PCDH15: variants seen among roughly 807,000 people sequenced by gnomAD.
PCDH15 encodes the protein protocadherin related 15.
In PCDH15, 129 loss-of-function variants were observed where a neutral mutation model predicts 178.5. The observed-to-expected ratio is 0.72, with a 90% CI of 0.63 to 0.84. The LOEUF is 0.84. PCDH15 is among the 40% of genes least tolerant of loss of function. PCDH15 has a pLI of 0.00. For synonymous variants in PCDH15, 800 were observed against 732.0 expected (o/e 1.09, Z -1.50); for missense variants, 2,230 against 2,099.9 (o/e 1.06, Z -1.21).
intron 3 of PCDH15, among the ~76,000 whole-genome samples, chr10:54,492,092 G>A (rs2079648217): frequency 6.6e-6 from 1 of 152,152 alleles, no homozygotes. Flanking sequence ...TGCAATAACA[G>A]CAAAATTGTA....
At chr10:53,995,824 A>G in intron 20 of PCDH15, 59 bp from the exon 21 acceptor site, 1 of 1,422,464 alleles carries the variant, frequency 7.0e-7, no homozygotes, top group South Asian at 1.1e-5. Context: ...GGATACAGTT[A>G]CTAGATTGAC....
At chr10:54,058,687 T>C (rs1565149139) in intron 18 of PCDH15, among the ~76,000 whole-genome samples, 1 of 86,430 alleles carries the variant, frequency 1.2e-5, no homozygotes, top group East Asian at 2.9e-4. Flanking sequence ...TATTTCTTTC[T>C]TTCTTTCTTT....
intron 3 of PCDH15, among the ~76,000 whole-genome samples, chr10:54,830,505 G>A (rs1953204776): frequency 6.6e-6 from 1 of 150,938 alleles, no homozygotes; most frequent in African/African-American, 2.4e-5. Flanking sequence ...AACACCGCAT[G>A]TTCTCACTCA....
intron 3 of PCDH15, among the ~76,000 whole-genome samples, chr10:54,523,155 T>C (rs2083048019): frequency 6.6e-6 from 1 of 152,168 alleles, no homozygotes. Context: ...GATTACTGTA[T>C]GACAAAATGG....
chr10:54,140,433 T>A (rs959739520), intron 14 of PCDH15, among the ~76,000 whole-genome samples: 1 of 151,700 alleles, frequency 6.6e-6, no homozygotes, highest in Non-Finnish European at 1.5e-5. Flanking sequence ...GTTAATTGAG[T>A]AGAAGATAAA....
At chr10:54,575,044 G>C (rs572611175) in intron 2 of PCDH15, among the ~76,000 whole-genome samples, 2 of 141,744 alleles carry the variant, frequency 1.4e-5, no homozygotes, top group African/African-American at 5.3e-5. Flanking sequence ...GTAAACTATC[G>C]CAAGAACAAA....
intron 32 of PCDH15, chr10:53,822,033 T>C (rs1284867595): frequency 1.2e-6 from 2 of 1,613,940 alleles, no homozygotes; most frequent in Non-Finnish European, 8.5e-7. Flanking sequence ...ACTGTACATG[T>C]TAGCTACTGA....
At chr10:55,500,094 T>C (rs1015890993) in intron 2 of PCDH15, among the ~76,000 whole-genome samples, 1 of 151,772 alleles carries the variant, frequency 6.6e-6, no homozygotes, top group Non-Finnish European at 1.5e-5. Context: ...AAGAAATTGT[T>C]AATGGTGATT....
At chr10:54,330,795 T>C (rs863270) in intron 6 of PCDH15, among the ~76,000 whole-genome samples, 8,698 of 152,010 alleles carry the variant, frequency 0.057, 768 homozygotes, top group African/African-American at 0.19. Flanking sequence ...GTCACTTTTG[T>C]ATTTTAGTGC....
intron 2 of PCDH15, among the ~76,000 whole-genome samples, chr10:54,565,933 A>T (rs187273256): frequency 1.3e-3 from 205 of 152,070 alleles, no homozygotes; most frequent in African/African-American, 4.7e-3. Flanking sequence ...AAAAGTACAA[A>T]ATTAGCCAGG....
intron 2 of PCDH15, among the ~76,000 whole-genome samples, chr10:55,594,270 C>A (rs1458114299): frequency 6.6e-6 from 1 of 151,738 alleles, no homozygotes; most frequent in African/African-American, 2.4e-5. Flanking sequence ...GATGTGTTAA[C>A]AATGTTTTCT....
intron 2 of PCDH15, among the ~76,000 whole-genome samples, chr10:55,442,470 T>TA (rs5785132): frequency 0.31 from 38,733 of 123,936 alleles, 6,394 homozygotes; most frequent in East Asian, 0.53. Context: ...TATATATATA[T>TA]TATATATATA....
chr10:54,361,546 G>GT (rs5785071), intron 5 of PCDH15, among the ~76,000 whole-genome samples: 16 of 151,260 alleles, frequency 1.1e-4, no homozygotes, highest in Admixed American at 4.6e-4. Flanking sequence ...AAGTATTATA[G>GT]TTTTTTTTAA....
At chr10:54,988,936 G>A (rs777171713) in intron 2 of PCDH15, among the ~76,000 whole-genome samples, 1 of 152,138 alleles carries the variant, frequency 6.6e-6, no homozygotes, top group Non-Finnish European at 1.5e-5. Flanking sequence ...ACACACCTGA[G>A]ACCTAGGCAG....
chr10:55,232,347 G>C (rs1454824128), intron 1 of PCDH15, among the ~76,000 whole-genome samples: 2 of 151,968 alleles, frequency 1.3e-5, no homozygotes, highest in African/African-American at 4.8e-5. Flanking sequence ...TTGTTAGGGA[G>C]AAAATATGAA....
chr10:54,208,588 C>G (rs1050272686), intron 10 of PCDH15, among the ~76,000 whole-genome samples: 4 of 151,986 alleles, frequency 2.6e-5, no homozygotes, highest in Non-Finnish European at 5.9e-5. Flanking sequence ...AGAAAAGGAA[C>G]CTAACTAGAA....
chr10:54,119,004 C>G (rs181651254), intron 15 of PCDH15, among the ~76,000 whole-genome samples: 8 of 152,028 alleles, frequency 5.3e-5, no homozygotes, highest in Non-Finnish European at 1.0e-4. Context: ...AAATATCCCA[C>G]CTGCATGAAA....
chr10:55,303,088 T>C (rs748150432), intron 1 of PCDH15, among the ~76,000 whole-genome samples: 2 of 22,576 alleles, frequency 8.9e-5, no homozygotes, highest in African/African-American at 8.8e-4. Flanking sequence ...ATATTTGAGA[T>C]ATATATATAT....
chr10:54,878,759 A>T (rs1954201381), intron 3 of PCDH15, among the ~76,000 whole-genome samples: 1 of 152,070 alleles, frequency 6.6e-6, no homozygotes, highest in South Asian at 2.1e-4. Context: ...TGCTGCACAG[A>T]TTAACCCATC....
Sources: gnomAD v4.1 joint callset for allele counts (sites outside exome capture counted in the v4.1 genomes callset) on GRCh38, gnomAD v4.1.1 for gene constraint, MANE v1.5 for transcripts, NCBI Gene and HGNC (gene_info 2026-07-23, HGNC 2026-07-21) for gene names.